RBMS3: variants seen among roughly 807,000 people sequenced by gnomAD.
RBMS3 encodes RNA-binding motif, single-stranded-interacting protein 3.
Under a neutral mutation model 66.8 loss-of-function variants are expected in RBMS3, and 27 were observed. That is an observed-to-expected ratio of 0.40 (90% CI 0.30 to 0.56). The LOEUF is 0.56. RBMS3 is among the 20% of genes least tolerant of loss of function. The probability of loss-of-function intolerance (pLI) is 0.40; values close to 1 mark genes in which losing one functional copy is unlikely to be tolerated. For synonymous variants in RBMS3, 188 were observed against 183.0 expected (o/e 1.03, Z -0.22); for missense variants, 513 against 549.5 (o/e 0.93, Z 0.66).
At position 29,959,885 on chromosome 3, in the gene RBMS3, T is replaced by A. The variant is rs987599004; in HGVS notation, c.1098+15631T>A. On this transcript the variant is annotated intron_variant, in intron 12 of 14. Coordinates refer to ENST00000383767, the MANE Select transcript of RBMS3 (RefSeq NM_001003793.3). ...CATGATTCAATTGTCTCCCACCAGA[T>A]CCTTCCTGCAACATGGGATTATGGG... 2.6e-5 allele frequency among the ~76,000 whole-genome samples: 4 copies of A among 152,048 alleles called. No homozygotes were observed. The East Asian group carries it at 7.8e-4, about 30-fold the overall frequency.
chr3:29,960,032 C>A (rs1696319922), intron 12 of RBMS3, among the ~76,000 whole-genome samples: 1 of 152,140 alleles, frequency 6.6e-6, no homozygotes, highest in African/African-American at 2.4e-5. Flanking sequence ...CAACAGTCCT[C>A]CAAAGTCTTA....
At chr3:29,677,138 G>A (rs2051290658) in intron 4 of RBMS3, among the ~76,000 whole-genome samples, 1 of 152,138 alleles carries the variant, frequency 6.6e-6, no homozygotes, top group East Asian at 1.9e-4. Context: ...ACAGTACTAA[G>A]GGGGATGGTA....
chr3:30,007,498 C>T lies in RBMS3; in HGVS notation c.*3636C>T, dbSNP rs1699834210. The T allele has an allele frequency of 6.6e-6, 1 of 152,022 alleles. No homozygotes were observed. The highest frequency in any genetic ancestry group is 1.5e-5 in the Non-Finnish European group (1 of 67,952). 9.4% of individuals were successfully genotyped at this position (152,022 alleles called of 1,614,324 possible). ...TGAGAGAAACACTGTCTCGTCTAAA[C>T]TCTAGTTTCATGGTCAGTGCAACAG... On this transcript the variant is annotated 3_prime_UTR_variant, in exon 15 of 15. Transcript: ENST00000383767.
intron 1 of RBMS3, among the ~76,000 whole-genome samples, chr3:29,310,156 A>G (rs553111039): frequency 1.3e-5 from 2 of 151,820 alleles, no homozygotes; most frequent in East Asian, 3.9e-4. Context: ...TAGAAAACCT[A>G]ATCCATAATC....
At chr3:29,808,715 C>T (rs966885212) in intron 6 of RBMS3, among the ~76,000 whole-genome samples, 7 of 151,904 alleles carry the variant, frequency 4.6e-5, no homozygotes, top group Admixed American at 3.9e-4. Flanking sequence ...ATGCTTCATC[C>T]TGTCACCTGC....
At chr3:29,643,505 G>C (rs1468052656) in intron 4 of RBMS3, among the ~76,000 whole-genome samples, 1 of 152,044 alleles carries the variant, frequency 6.6e-6, no homozygotes, top group African/African-American at 2.4e-5. Flanking sequence ...TTCTAAGTTT[G>C]ACGAGCTTCT....
At chr3:29,469,521 A>C (rs183579094) in intron 2 of RBMS3, among the ~76,000 whole-genome samples, 1 of 152,114 alleles carries the variant, frequency 6.6e-6, no homozygotes, top group Non-Finnish European at 1.5e-5. Flanking sequence ...GACTCTATAA[A>C]CCATTGAAAA....
intron 1 of RBMS3, among the ~76,000 whole-genome samples, chr3:29,374,315 A>G (rs1286541072): frequency 1.3e-5 from 2 of 152,234 alleles, no homozygotes; most frequent in African/African-American, 4.8e-5. Flanking sequence ...AGCTCAGACC[A>G]GCTTGTGAGA....
rs993259156 is a variant in RBMS3, at chr3:29,677,575, C to A, written c.400-62145C>A. 5.3e-5 allele frequency among the ~76,000 whole-genome samples: 8 copies of A among 152,170 alleles called. No homozygotes were observed. The East Asian group carries it at 1.5e-3, about 29-fold the overall frequency. On this transcript the variant is annotated intron_variant, in intron 4 of 14. Coordinates refer to ENST00000383767, the MANE Select transcript of RBMS3 (RefSeq NM_001003793.3). ...ATAGGTGACTCATTTTCAGGAGTAT[C>A]TATTCAAACGCTCATTGCAAATTTC...
At chr3:29,757,874 T>A (rs748766829) in intron 5 of RBMS3, among the ~76,000 whole-genome samples, 2 of 152,316 alleles carry the variant, frequency 1.3e-5, no homozygotes, top group South Asian at 2.1e-4. Context: ...CCAACTTTTT[T>A]ATTAACATTT....
chr3:29,312,567 C>G (rs780967559), intron 1 of RBMS3, among the ~76,000 whole-genome samples: 6 of 151,638 alleles, frequency 4.0e-5, no homozygotes, highest in Non-Finnish European at 7.4e-5. Context: ...CTCTTGCACT[C>G]TCTCTTCTTT....
chr3:29,593,026 G>A (rs1341560335), intron 4 of RBMS3, among the ~76,000 whole-genome samples: 1 of 103,322 alleles, frequency 9.7e-6, no homozygotes, highest in African/African-American at 3.8e-5. Context: ...GGGGAGGGGG[G>A]AGGGGGGAGG....
chr3:29,901,650 G>A (rs1438468572), intron 10 of RBMS3, among the ~76,000 whole-genome samples: 2 of 151,786 alleles, frequency 1.3e-5, no homozygotes, highest in African/African-American at 4.8e-5. Flanking sequence ...ACATGTGTGT[G>A]TGTACTTTAA....
intron 3 of RBMS3, among the ~76,000 whole-genome samples, chr3:29,572,446 T>C (rs1289053740): frequency 6.6e-6 from 1 of 152,220 alleles, no homozygotes; most frequent in African/African-American, 2.4e-5. Context: ...GCTCTGTCTA[T>C]ACCTAGTTTT....
Position 29,388,905 on chromosome 3 carries a change from A to G in RBMS3, c.76-45838A>G, listed in dbSNP as rs139103978. 3.9e-5 allele frequency among the ~76,000 whole-genome samples: 6 copies of G among 152,332 alleles called. No homozygotes were observed. The East Asian group carries it at 1.2e-3, about 29-fold the overall frequency. Reference sequence around the variant, plus strand: ...CAATGAGATACTACTATTTTCTTACAGAAAGAGCTTGCAGACCTGATGTCT... The same window carrying G: ...CAATGAGATACTACTATTTTCTTACGGAAAGAGCTTGCAGACCTGATGTCT... On this transcript the variant is annotated intron_variant, in intron 1 of 14. Transcript: ENST00000383767.
chr3:29,592,014 T>C (rs1338188389), intron 4 of RBMS3, among the ~76,000 whole-genome samples: 1 of 151,860 alleles, frequency 6.6e-6, no homozygotes, highest in Admixed American at 6.6e-5. Context: ...ATATCTACCA[T>C]GGCAGAAAAC....
chr3:29,869,671 A>T (rs1237608394), intron 7 of RBMS3, among the ~76,000 whole-genome samples: 1 of 152,112 alleles, frequency 6.6e-6, no homozygotes, highest in Non-Finnish European at 1.5e-5. Context: ...TCTTTTTGTT[A>T]CTTTTTTGTA....
At chr3:29,370,614 T>A (rs1213517606) in intron 1 of RBMS3, among the ~76,000 whole-genome samples, 1 of 152,194 alleles carries the variant, frequency 6.6e-6, no homozygotes, top group African/African-American at 2.4e-5. Flanking sequence ...AGAGGAGGAA[T>A]AATTAAAAGC....
chr3:29,296,987 T>G (rs1411657999), intron 1 of RBMS3, among the ~76,000 whole-genome samples: 1 of 151,542 alleles, frequency 6.6e-6, no homozygotes, highest in Non-Finnish European at 1.5e-5. Flanking sequence ...TTATACTTAA[T>G]ATACATTTAG....
Sources: gnomAD v4.1 joint callset for allele counts (sites outside exome capture counted in the v4.1 genomes callset) on GRCh38, gnomAD v4.1.1 for gene constraint, MANE v1.5 for transcripts, NCBI Gene and HGNC (gene_info 2026-07-23, HGNC 2026-07-21) for gene names.